Variants in SMYD3 observed in about 807,000 individuals in gnomAD.
The protein encoded by SMYD3 is SET and MYND domain containing 3.
In SMYD3, 36 loss-of-function variants were observed where a neutral mutation model predicts 57.7. The ratio of observed to expected loss-of-function variants is 0.62; its 90% confidence interval spans 0.48 to 0.82. The LOEUF (loss-of-function observed/expected upper bound fraction) is 0.82. SMYD3 is among the 40% of genes least tolerant of loss of function. The pLI is 0.00. For synonymous variants in SMYD3, 211 were observed against 195.0 expected, an observed-to-expected ratio of 1.08 and a Z score of -0.68; for missense variants, 515 against 538.8, an observed-to-expected ratio of 0.96 and a Z score of 0.44.
chr1:246,014,128 G>T (rs1015916505), intron 5 of SMYD3, among the ~76,000 whole-genome samples: 5 of 152,188 alleles, frequency 3.3e-5, no homozygotes, highest in Non-Finnish European at 7.3e-5. Flanking sequence ...TTCGAGACCA[G>T]CCTGGCCAAC....
At position 246,152,256 on chromosome 1, in the gene SMYD3, C is replaced by T. The variant is rs560705075; in HGVS notation, c.531+174945G>A. 4.6e-4 allele frequency among the ~76,000 whole-genome samples: 70 copies of T among 152,198 alleles called. 1 individual carries two copies. The highest frequency in any genetic ancestry group is 1.5e-3 in the African/African-American group (63 of 41,526). On this transcript the variant is annotated intron_variant, in intron 5 of 11. Transcript: ENST00000490107. Reference sequence around the variant, plus strand: ...CCTGGCGTCTGGAGAGCAGGGATGACGATGTAGAGAAGTGGAGGGAAGAGA... The same window carrying T: ...CCTGGCGTCTGGAGAGCAGGGATGATGATGTAGAGAAGTGGAGGGAAGAGA...
intron 5 of SMYD3, among the ~76,000 whole-genome samples, chr1:246,110,132 C>T (rs2061206653): frequency 6.6e-6 from 1 of 152,180 alleles, no homozygotes; most frequent in African/African-American, 2.4e-5. Context: ...ACCTTGGCAA[C>T]AAGTGAATGG....
intron 5 of SMYD3, among the ~76,000 whole-genome samples, chr1:245,956,857 C>T (rs1045369425): frequency 3.3e-5 from 5 of 152,250 alleles, no homozygotes; most frequent in Admixed American, 3.3e-4. Context: ...TTGGTTTGAA[C>T]ATTGCATACC....
chr1:245,790,119 G>T (rs1395814722), intron 10 of SMYD3, among the ~76,000 whole-genome samples: 1 of 152,154 alleles, frequency 6.6e-6, no homozygotes, highest in Non-Finnish European at 1.5e-5. Context: ...CTTCAAAAGG[G>T]ACCTACAGTA....
At chr1:245,828,419 T>C in intron 10 of SMYD3, among the ~76,000 whole-genome samples, 1 of 152,310 alleles carries the variant, frequency 6.6e-6, no homozygotes, top group African/African-American at 2.4e-5. Context: ...CCCTTTCCAA[T>C]AAAAAGAAAG....
chr1:245,820,376 G>A (rs1411414240), intron 10 of SMYD3, among the ~76,000 whole-genome samples: 2 of 146,768 alleles, frequency 1.4e-5, no homozygotes, highest in African/African-American at 5.0e-5. Flanking sequence ...CAATAAATTA[G>A]GTATTGATGG....
intron 5 of SMYD3, among the ~76,000 whole-genome samples, chr1:245,971,433 C>CA (rs2058299540): frequency 9.6e-6 from 1 of 103,828 alleles, no homozygotes; most frequent in African/African-American, 4.0e-5. Context: ...TATCCCAGAA[C>CA]TTAAAGTATA....
At chr1:246,182,169 G>A (rs2062563234) in intron 5 of SMYD3, among the ~76,000 whole-genome samples, 1 of 152,068 alleles carries the variant, frequency 6.6e-6, no homozygotes. Flanking sequence ...GCACATTAAA[G>A]AGAGAGAGAA....
At chr1:246,505,145 T>C (rs1186135691) in intron 1 of SMYD3, among the ~76,000 whole-genome samples, 1 of 152,248 alleles carries the variant, frequency 6.6e-6, no homozygotes, top group Non-Finnish European at 1.5e-5. Context: ...TCTGTTTAGC[T>C]TGTTTTGTTT....
At chr1:245,991,002 G>A (rs762663143) in intron 5 of SMYD3, among the ~76,000 whole-genome samples, 1 of 152,178 alleles carries the variant, frequency 6.6e-6, no homozygotes, top group African/African-American at 2.4e-5. Flanking sequence ...AGTCACAATC[G>A]TAAGTTGAAG....
At chr1:246,378,721 TATATTA>T (rs1272817165) in intron 1 of SMYD3, among the ~76,000 whole-genome samples, 2 of 27,546 alleles carry the variant, frequency 7.3e-5, no homozygotes, top group African/African-American at 2.7e-4. Context: ...TATAATATAA[TATATTA>T]TATATTATAT....
intron 2 of SMYD3, among the ~76,000 whole-genome samples, chr1:246,349,162 A>G (rs1214951089): frequency 6.6e-6 from 1 of 152,258 alleles, no homozygotes; most frequent in Non-Finnish European, 1.5e-5. Context: ...AATGAGAATC[A>G]AAGAAGGAAT....
At chr1:245,782,015 ATGTC>A (rs1271847082) in intron 10 of SMYD3, among the ~76,000 whole-genome samples, 1 of 152,058 alleles carries the variant, frequency 6.6e-6, no homozygotes, top group Admixed American at 6.6e-5. Flanking sequence ...AAAAGAAACT[ATGTC>A]TGATACCTAC....
chr1:246,179,900 T>C (rs1009869944), intron 5 of SMYD3, among the ~76,000 whole-genome samples: 1 of 152,148 alleles, frequency 6.6e-6, no homozygotes, highest in East Asian at 1.9e-4. Context: ...CTGGGGCCCA[T>C]GTTCACCCTG....
In SMYD3 at chr1:246,355,193, G is replaced by A; in HGVS notation, c.165-99C>T. The A allele has an allele frequency of 8.4e-7, 1 of 1,191,544 alleles. No homozygotes were observed. Among genetic ancestry groups the A allele is most frequent in the Non-Finnish European group, 1.2e-6 (1 of 808,778 alleles). The allele number at this position is 1,191,544 out of a possible 1,614,324, so 73.8% of individuals were successfully genotyped here. On this transcript the variant is annotated intron_variant, in intron 1 of 11. Coordinates refer to ENST00000490107, the MANE Select transcript of SMYD3 (RefSeq NM_001167740.2). The surrounding 1 kb of genome is among the most constrained non-coding windows in gnomAD (Gnocchi z 5.0). ...TAAGTCAACATACGGACACCCGTAT[G>A]TTCTGTTTACTCCATTATGTACAGT...
intron 1 of SMYD3, among the ~76,000 whole-genome samples, chr1:246,462,570 T>G (rs1338094235): frequency 2.0e-5 from 3 of 152,160 alleles, no homozygotes; most frequent in Non-Finnish European, 4.4e-5. Flanking sequence ...GCGCATCCCT[T>G]GACCCCGAGG....
At chr1:246,160,276 TAGAG>T (rs751980546) in intron 5 of SMYD3, among the ~76,000 whole-genome samples, 10 of 152,200 alleles carry the variant, frequency 6.6e-5, no homozygotes, top group Admixed American at 4.6e-4. Context: ...AAGTTCTAGA[TAGAG>T]AGAACTCTAT....
chr1:246,161,914 A>G (rs749467119), intron 5 of SMYD3, among the ~76,000 whole-genome samples: 1 of 152,160 alleles, frequency 6.6e-6, no homozygotes, highest in African/African-American at 2.4e-5. Context: ...GCCAGGCAAT[A>G]GTGCATGTGT....
chr1:246,410,422 A>C (rs2066945415), intron 1 of SMYD3, among the ~76,000 whole-genome samples: 1 of 152,174 alleles, frequency 6.6e-6, no homozygotes. Context: ...GCATCTATTG[A>C]GATAATCATG....
Sources: allele counts gnomAD v4.1 joint callset (sites outside exome capture counted in the v4.1 genomes callset), GRCh38; gene constraint gnomAD v4.1.1; non-coding constraint Gnocchi (gnomAD v3.1); transcripts MANE v1.5; gene names NCBI Gene and HGNC (gene_info 2026-07-23, HGNC 2026-07-21).